SLC12A2: variants seen among roughly 807,000 people sequenced by gnomAD.
The protein encoded by SLC12A2 is solute carrier family 12 member 2, also known as Na-K-2Cl cotransporter 1.
Under a neutral mutation model 136.3 loss-of-function variants are expected in SLC12A2, and 67 were observed. That is an observed-to-expected ratio of 0.49 (90% CI 0.40 to 0.60). SLC12A2 has a LOEUF of 0.60. SLC12A2 is among the 20% of genes least tolerant of loss of function. The probability of loss-of-function intolerance (pLI) is 0.00; values close to 1 mark genes in which losing one functional copy is unlikely to be tolerated. For missense variants in SLC12A2, 1,322 were observed against 1,534.7 expected, an observed-to-expected ratio of 0.86 and a Z score of 2.32; for synonymous variants, 619 against 562.9, an observed-to-expected ratio of 1.10 and a Z score of -1.41.
At chr5:128,090,640 G>A (rs1760275105) in intron 1 of SLC12A2, among the ~76,000 whole-genome samples, 1 of 152,170 alleles carries the variant, frequency 6.6e-6, no homozygotes, top group Admixed American at 6.5e-5. Context: ...AATTAAAGGT[G>A]GCTAGATGAT....
chr5:128,087,216 A>G (rs1378568639), intron 1 of SLC12A2, among the ~76,000 whole-genome samples: 1 of 152,212 alleles, frequency 6.6e-6, no homozygotes, highest in African/African-American at 2.4e-5. Flanking sequence ...TAGCCATTCT[A>G]GGACCAGTAG....
At chr5:128,145,033 T>G (rs1762485445) in intron 10 of SLC12A2, among the ~76,000 whole-genome samples, 1 of 152,242 alleles carries the variant, frequency 6.6e-6, no homozygotes, top group African/African-American at 2.4e-5. Flanking sequence ...CTGCTGATAT[T>G]TTACCATTAA....
chr5:128,094,422 C>T (rs1340636512), intron 1 of SLC12A2, among the ~76,000 whole-genome samples: 1 of 151,866 alleles, frequency 6.6e-6, no homozygotes, highest in Non-Finnish European at 1.5e-5. Context: ...ACTAAATGAC[C>T]TGTCCAAAAT....
chr5:128,133,913 GATTT>G (rs1762104699), intron 5 of SLC12A2, among the ~76,000 whole-genome samples: 1 of 151,544 alleles, frequency 6.6e-6, no homozygotes, highest in Admixed American at 6.6e-5. Flanking sequence ...TTCCTTTTTT[GATTT>G]ATTGAGTCTA....
At chr5:128,157,343 TG>T (rs1262464525) in intron 15 of SLC12A2, among the ~76,000 whole-genome samples, 1 of 152,192 alleles carries the variant, frequency 6.6e-6, no homozygotes, top group Non-Finnish European at 1.5e-5. Context: ...GGCATGCCAC[TG>T]TCTCACATTT....
At chr5:128,142,118 C>A in intron 10 of SLC12A2, 137 bp downstream of exon 10, 1 of 764,174 alleles carries the variant, frequency 1.3e-6, no homozygotes, top group South Asian at 2.1e-5. Context: ...TTAATTTTTT[C>A]TTGAGATAGA....
rs908163497 is a variant in SLC12A2, at chr5:128,084,980, C to T, written c.756+270C>T. Among the ~76,000 whole-genome samples the T allele has an allele frequency of 6.7e-6, 1 of 149,874 alleles. No individual in the cohort carries two copies. Among genetic ancestry groups the T allele is most frequent in the Non-Finnish European group, 1.5e-5 (1 of 67,642 alleles). ...CAGTTAGGTATCTCGTGTGCACTTT[C>T]TTTCCCACCCACGCTCAACAGTCAC... On this transcript the variant is annotated intron_variant, in intron 1 of 26. Transcript: ENST00000262461. The surrounding 1 kb of genome is among the most constrained non-coding windows in gnomAD (Gnocchi z 5.6).
chr5:128,107,475 A>G (rs1760984600), intron 1 of SLC12A2, among the ~76,000 whole-genome samples: 1 of 151,998 alleles, frequency 6.6e-6, no homozygotes, highest in African/African-American at 2.4e-5. Context: ...CCAGTGTGTG[A>G]TGTTCCCCTC....
intron 1 of SLC12A2, among the ~76,000 whole-genome samples, chr5:128,108,652 G>A (rs912297151): frequency 6.6e-6 from 1 of 152,190 alleles, no homozygotes; most frequent in Non-Finnish European, 1.5e-5. Flanking sequence ...AGGGGGAATT[G>A]AGGTATTTCT....
At chr5:128,171,827 C>A in intron 19 of SLC12A2, 81 bp downstream of exon 19, 1 of 800,716 alleles carries the variant, frequency 1.2e-6, no homozygotes, top group Non-Finnish European at 2.0e-6. Flanking sequence ...ACAAACTGGG[C>A]TCTTCGTTAC....
rs74556840 is a variant in SLC12A2 at position 128,121,296 on chromosome 5, C to G, written c.1048+6615C>G. Among the ~76,000 whole-genome samples, 838 of 152,022 alleles carry G rather than the reference C, an allele frequency of 5.5e-3. 3 individuals carry two copies. The highest frequency in any genetic ancestry group is 0.024 in the Middle Eastern group (7 of 294). On this transcript the variant is annotated intron_variant, in intron 4 of 26. Coordinates refer to ENST00000262461, the MANE Select transcript of SLC12A2 (RefSeq NM_001046.3). Reference sequence around the variant, plus strand: ...TTTCAGGCTTGATTCAATTTTAGTACTGATGTGGGGTACTATTTTTTTATT... The same window carrying G: ...TTTCAGGCTTGATTCAATTTTAGTAGTGATGTGGGGTACTATTTTTTTATT...
In SLC12A2 at chr5:128,186,784, T is replaced by C. The variant is rs1763883975; in HGVS notation, c.*153T>C. The C allele has an allele frequency of 1.3e-6, 1 of 757,920 alleles. No homozygotes were observed. The highest frequency in any genetic ancestry group is 1.7e-5 in the African/African-American group (1 of 57,456). 46.9% of individuals were successfully genotyped at this position (757,920 alleles called of 1,614,324 possible). ...GAAAGCACACAGGAAAGTTGCTCCATTGATAACGTGTATGGAGACTTCGGT... is the reference window on the plus strand; with the variant it reads ...GAAAGCACACAGGAAAGTTGCTCCACTGATAACGTGTATGGAGACTTCGGT... On this transcript the variant is annotated 3_prime_UTR_variant, in exon 27 of 27. Transcript: ENST00000262461.
At chr5:128,140,776 G>A (rs915410992) in intron 9 of SLC12A2, among the ~76,000 whole-genome samples, 2 of 151,878 alleles carry the variant, frequency 1.3e-5, no homozygotes, top group African/African-American at 4.9e-5. Flanking sequence ...GGGCTGGGGG[G>A]ATTTGCAAGG....
chr5:128,178,818 T>A, intron 22 of SLC12A2, 129 bp downstream of exon 22: 1 of 573,490 alleles, frequency 1.7e-6, no homozygotes, highest in Non-Finnish European at 2.9e-6. Context: ...GCAAAAGGAT[T>A]AATTTCAGAA....
At position 128,189,646 on chromosome 5, in the gene SLC12A2, C is replaced by T. The variant is rs973104346; in HGVS notation, c.*3015C>T. The T allele has an allele frequency of 1.3e-5, 2 of 152,590 alleles. No individual in the cohort carries two copies. Among genetic ancestry groups the T allele is most frequent in the Non-Finnish European group, 2.9e-5 (2 of 68,030 alleles). The allele number at this position is 152,590 out of a possible 1,614,324, so 9.5% of individuals were successfully genotyped here. On this transcript the variant is annotated 3_prime_UTR_variant, in exon 27 of 27. Transcript: ENST00000262461. Reference sequence around the variant, plus strand: ...CAGTTGCTGCTTTGTACAGAGGTTACTGCAATAAAGGAAGTGGATTCATTA... The same window carrying T: ...CAGTTGCTGCTTTGTACAGAGGTTATTGCAATAAAGGAAGTGGATTCATTA...
chr5:128,146,375 T>C (rs1273574786), intron 10 of SLC12A2, among the ~76,000 whole-genome samples: 2 of 151,780 alleles, frequency 1.3e-5, no homozygotes, highest in Non-Finnish European at 3.0e-5. Flanking sequence ...CATTTAGTTA[T>C]AGTGTCATTT....
chr5:128,154,071 A>AC (rs202181697), intron 15 of SLC12A2, among the ~76,000 whole-genome samples: 8 of 140,470 alleles, frequency 5.7e-5, no homozygotes, highest in African/African-American at 2.3e-4. Context: ...AAAAAAACAA[A>AC]AAAAAAAAAC....
chr5:128,126,966 ATTTTTT>A (rs1554105175), intron 4 of SLC12A2, among the ~76,000 whole-genome samples: 2 of 21,158 alleles, frequency 9.5e-5, no homozygotes, highest in South Asian at 2.2e-3. Context: ...ATATATATAT[ATTTTTT>A]TTTTTTTTTT....
chr5:128,131,550 A>G (rs790152), intron 5 of SLC12A2, among the ~76,000 whole-genome samples: 69,938 of 149,988 alleles, frequency 0.47, 17,880 homozygotes, highest in Non-Finnish European at 0.56. Flanking sequence ...AAAAAAAAAA[A>G]AAAATCAGCT....
Sources: gnomAD v4.1 joint callset for allele counts (sites outside exome capture counted in the v4.1 genomes callset) on GRCh38, gnomAD v4.1.1 for gene constraint, Gnocchi (gnomAD v3.1) non-coding constraint, MANE v1.5 for transcripts, NCBI Gene and HGNC (gene_info 2026-07-23, HGNC 2026-07-21) for gene names.